Variants in FNBP1 observed in about 807,000 individuals in gnomAD.
FNBP1 encodes formin-binding protein 1.
FNBP1 carries 26 observed loss-of-function variants against 90.6 expected under a neutral mutation model. That is an observed-to-expected ratio of 0.29 (90% CI 0.21 to 0.40). FNBP1 has a LOEUF of 0.40. Ranked by LOEUF, FNBP1 falls within the 10% of genes least tolerant of loss-of-function variation. The probability of loss-of-function intolerance (pLI) is 1.00; values close to 1 mark genes in which losing one functional copy is unlikely to be tolerated. For missense variants in FNBP1, 635 were observed against 768.0 expected (o/e 0.83, Z 2.05); for synonymous variants, 260 against 265.2 (o/e 0.98, Z 0.19).
At chr9:130,007,759 T>A (rs547490897) in intron 1 of FNBP1, among the ~76,000 whole-genome samples, 1 of 152,280 alleles carries the variant, frequency 6.6e-6, no homozygotes, top group Admixed American at 6.5e-5. Flanking sequence ...CTCACGCCTG[T>A]AATCCCAACA....
chr9:129,949,812 A>C (rs2045897258), intron 6 of FNBP1, among the ~76,000 whole-genome samples: 1 of 152,186 alleles, frequency 6.6e-6, no homozygotes, highest in South Asian at 2.1e-4. Context: ...TTAACTCTCA[A>C]AAAGAAAAGA....
chr9:130,046,775 CAA>C (rs34811454), upstream of FNBP1, among the ~76,000 whole-genome samples: 1,354 of 83,206 alleles, frequency 0.016, 10 homozygotes, highest in Non-Finnish European at 0.023. Context: ...GACTTTATCT[CAA>C]AAAAAAAAAA....
rs778751502 is a variant in FNBP1 at position 129,925,104 on chromosome 9, G to C, written c.843C>G (p.Asp281Glu). 2 of 1,613,866 alleles carry C rather than the reference G, an allele frequency of 1.2e-6. No individual in the cohort carries two copies. The change falls in exon 9 of 17, where the codon GAC becomes GAG. Residue 281 changes from aspartate (D) to glutamate (E), a missense_variant. Coordinates refer to ENST00000446176, the MANE Select transcript of FNBP1 (RefSeq NM_015033.3). ...GCTGAGTGTAATCCTCAAATTCAATGTCTCCAGGAGGCTCAAACCCTGATT... is the reference window on the plus strand; with the variant it reads ...GCTGAGTGTAATCCTCAAATTCAATCTCTCCAGGAGGCTCAAACCCTGATT... ...AYKSGFEPPGDIEFEDYTQPM... is the reference protein window; with the variant it reads ...AYKSGFEPPGEIEFEDYTQPM...
At position 129,890,947 on chromosome 9, in the gene FNBP1, G is replaced by A. The variant is rs1325523824; in HGVS notation, c.1847-401C>T. ...TGAGGCAGGCAGATCACGAGGTCAG[G>A]AGTTCAAGACCAGCCTGGCTAACAT... On this transcript the variant is annotated intron_variant, in intron 16 of 16. Transcript: ENST00000446176. This position sits in a 1 kb window ranked among gnomAD's most constrained non-coding sequence, Gnocchi z 5.8. 6.6e-6 allele frequency among the ~76,000 whole-genome samples: 1 copy of A among 152,150 alleles called. No individual in the cohort carries two copies. The highest frequency in any genetic ancestry group is 1.5e-5 in the Non-Finnish European group (1 of 68,034).
intron 1 of FNBP1, among the ~76,000 whole-genome samples, chr9:130,019,730 T>TG (rs2057621422): frequency 6.6e-6 from 1 of 152,348 alleles, no homozygotes; most frequent in East Asian, 1.9e-4. Context: ...AAATGCATAA[T>TG]GCTTATTTTA....
intron 11 of FNBP1, among the ~76,000 whole-genome samples, chr9:129,913,397 T>C (rs1472947291): frequency 1.3e-5 from 2 of 152,084 alleles, no homozygotes; most frequent in Non-Finnish European, 2.9e-5. Context: ...GGAGTTGGTA[T>C]GGGAAGAGAG....
chr9:130,049,094 A>G, the FNBP1 span, among the ~76,000 whole-genome samples: 272 of 151,920 alleles, frequency 1.8e-3, 1 homozygote, highest in Non-Finnish European at 2.4e-3. Context: ...CCTCTTCTTT[A>G]AAATGTAAAT....
rs530223024 is a variant in FNBP1 at position 129,900,148 on chromosome 9, G to T, written c.1551-47C>A. The T allele has an allele frequency of 1.1e-5, 17 of 1,535,624 alleles. No individual in the cohort carries two copies. Among genetic ancestry groups the T allele is most frequent in the Non-Finnish European group, 1.5e-5 (17 of 1,140,752 alleles). On this transcript the variant is annotated intron_variant, in intron 14 of 16. Coordinates refer to ENST00000446176, the MANE Select transcript of FNBP1 (RefSeq NM_015033.3). This position sits in a 1 kb window ranked among gnomAD's most constrained non-coding sequence, Gnocchi z 4.1. Reference sequence around the variant, plus strand: ...AAAGCAACTAAAGCGACTGACCCCAGGGAGGACTCAGATTGAGTCCCTGCG... The same window carrying T: ...AAAGCAACTAAAGCGACTGACCCCATGGAGGACTCAGATTGAGTCCCTGCG...
chr9:129,909,287 G>A (rs548542236), intron 11 of FNBP1, among the ~76,000 whole-genome samples: 1 of 152,148 alleles, frequency 6.6e-6, no homozygotes. Flanking sequence ...TGACTCTAGG[G>A]AGAATCCATG....
intron 13 of FNBP1, among the ~76,000 whole-genome samples, chr9:129,901,972 C>T (rs2037037565): frequency 6.6e-6 from 1 of 152,166 alleles, no homozygotes; most frequent in Admixed American, 6.5e-5. Flanking sequence ...TCTATTCTGA[C>T]TGGTAGAATC....
chr9:129,983,161 G>A (rs1260305256), intron 2 of FNBP1, among the ~76,000 whole-genome samples: 1 of 152,120 alleles, frequency 6.6e-6, no homozygotes, highest in African/African-American at 2.4e-5. Context: ...AGCCTTACGT[G>A]ACTCTGAATC....
At chr9:129,894,503 A>C (rs1476975825) in intron 16 of FNBP1, among the ~76,000 whole-genome samples, 1 of 152,194 alleles carries the variant, frequency 6.6e-6, no homozygotes, top group Non-Finnish European at 1.5e-5. Flanking sequence ...AAACAAAAAC[A>C]ACAACAACAA....
intron 4 of FNBP1, among the ~76,000 whole-genome samples, chr9:129,974,956 C>T (rs932057069): frequency 2.6e-5 from 4 of 151,630 alleles, no homozygotes; most frequent in Admixed American, 1.3e-4. Context: ...CAGTGGCTCA[C>T]GCCTGTAATC....
chr9:129,986,599 G>A (rs1374684901), intron 2 of FNBP1, among the ~76,000 whole-genome samples: 2 of 151,402 alleles, frequency 1.3e-5, no homozygotes, highest in Non-Finnish European at 2.9e-5. Flanking sequence ...AGACCATCCT[G>A]GCCAACATGG....
At chr9:129,915,133 A>C (rs976608525) in intron 11 of FNBP1, among the ~76,000 whole-genome samples, 4 of 151,964 alleles carry the variant, frequency 2.6e-5, no homozygotes, top group African/African-American at 9.7e-5. Flanking sequence ...GCTATGCACA[A>C]GGCACCAACA....
At chr9:130,051,944 T>A in the FNBP1 span, among the ~76,000 whole-genome samples, 1 of 152,336 alleles carries the variant, frequency 6.6e-6, no homozygotes, top group East Asian at 1.9e-4. Context: ...AATGTCCCTT[T>A]GAAAATGTTG....
intron 2 of FNBP1, among the ~76,000 whole-genome samples, chr9:129,985,306 C>A (rs1292295152): frequency 6.6e-6 from 1 of 152,160 alleles, no homozygotes; most frequent in Non-Finnish European, 1.5e-5. Context: ...TGGCCTAAGA[C>A]CTTTATGCTC....
intron 1 of FNBP1, among the ~76,000 whole-genome samples, chr9:130,013,355 A>G (rs2056860084): frequency 6.6e-6 from 1 of 152,208 alleles, no homozygotes; most frequent in Non-Finnish European, 1.5e-5. Flanking sequence ...TTTAAGCAAT[A>G]AATATATTTA....
At chr9:129,905,312 A>ATATATATATATATATATT (rs1327228641) in intron 12 of FNBP1, among the ~76,000 whole-genome samples, 1 of 146,380 alleles carries the variant, frequency 6.8e-6, no homozygotes, top group African/African-American at 2.5e-5. Context: ...ATATATATAT[A>ATATATATATATATATATT]TTTTGTTAAT....
Sources: gnomAD v4.1 joint callset for allele counts (sites outside exome capture counted in the v4.1 genomes callset) on GRCh38, gnomAD v4.1.1 for gene constraint, Gnocchi (gnomAD v3.1) non-coding constraint, MANE v1.5 for transcripts, NCBI Gene and HGNC (gene_info 2026-07-23, HGNC 2026-07-21) for gene names.